Variants in LUZP2 observed in about 807,000 individuals in gnomAD.
LUZP2 encodes the protein leucine zipper protein 2.
LUZP2 carries 52 observed loss-of-function variants against 51.6 expected under a neutral mutation model. That is an observed-to-expected ratio of 1.01 (90% CI 0.81 to 1.27). The LOEUF is 1.27. Ranked by LOEUF, LUZP2 falls within the 50% of genes most tolerant of loss-of-function variation. The pLI is 0.00. For missense variants in LUZP2, 436 were observed against 395.4 expected (o/e 1.10, Z -0.87); for synonymous variants, 154 against 137.3 (o/e 1.12, Z -0.85).
In LUZP2 at chr11:24,905,884, G is replaced by A. The variant is rs1590713482; in HGVS notation, c.397-107G>A. 29 of 667,472 alleles carry A rather than the reference G, an allele frequency of 4.3e-5. 1 individual carries two copies. The East Asian group carries it at 7.5e-4, about 17-fold the overall frequency. The allele number at this position is 667,472 out of a possible 1,614,324, so 41.3% of individuals were successfully genotyped here. A position where few individuals can be genotyped will look rare whatever the true frequency, so the allele number is the denominator to read the frequency against. Reference sequence around the variant, plus strand: ...ACCAATCCATTACATTTTACATCATGAAGGTCTAATTTTTGAACAGAACAT... The same window carrying A: ...ACCAATCCATTACATTTTACATCATAAAGGTCTAATTTTTGAACAGAACAT... On this transcript the variant is annotated intron_variant, in intron 5 of 11. Transcript: ENST00000336930.
intron 1 of LUZP2, among the ~76,000 whole-genome samples, chr11:24,727,274 C>T (rs554220746): frequency 5.1e-4 from 77 of 152,072 alleles, no homozygotes; most frequent in Admixed American, 2.4e-3. Flanking sequence ...AAACTCATAG[C>T]CAAATCAGTA....
At position 24,830,284 on chromosome 11, in the gene LUZP2, T is replaced by A. The variant is rs537615673; in HGVS notation, c.396+66976T>A. Among the ~76,000 whole-genome samples the A allele has an allele frequency of 3.9e-5, 6 of 152,380 alleles. No homozygotes were observed. The East Asian group carries it at 1.2e-3, about 29-fold the overall frequency. On this transcript the variant is annotated intron_variant, in intron 5 of 11. Coordinates refer to ENST00000336930, the MANE Select transcript of LUZP2 (RefSeq NM_001009909.4). ...CATGTCAGTTGCCACTTCTTTCTCATAAATTTCTTGGTAGCCAAATTTCTT... is the reference window on the plus strand; with the variant it reads ...CATGTCAGTTGCCACTTCTTTCTCAAAAATTTCTTGGTAGCCAAATTTCTT...
At chr11:24,803,025 T>C (rs1590556815) in intron 5 of LUZP2, among the ~76,000 whole-genome samples, 1 of 152,054 alleles carries the variant, frequency 6.6e-6, no homozygotes, top group African/African-American at 2.4e-5. Flanking sequence ...GTATTTGTTA[T>C]AGCATCAAAA....
intron 5 of LUZP2, among the ~76,000 whole-genome samples, chr11:24,793,922 CA>C (rs1227347792): frequency 2.1e-5 from 3 of 145,780 alleles, no homozygotes; most frequent in Non-Finnish European, 4.6e-5. Context: ...TCTGACTAAC[CA>C]ATTATTATAT....
chr11:25,013,385 A>G (rs1482774624), intron 9 of LUZP2, among the ~76,000 whole-genome samples: 2 of 152,188 alleles, frequency 1.3e-5, no homozygotes, highest in Non-Finnish European at 2.9e-5. Flanking sequence ...CCAAATCACT[A>G]TATATTATTT....
At chr11:24,554,679 G>A (rs1236424109) in intron 1 of LUZP2, among the ~76,000 whole-genome samples, 2 of 146,308 alleles carry the variant, frequency 1.4e-5, no homozygotes, top group African/African-American at 5.0e-5. Context: ...TATAAGGCAG[G>A]AGACTTATCC....
chr11:24,998,059 C>T (rs1856561101), intron 9 of LUZP2, among the ~76,000 whole-genome samples: 2 of 152,122 alleles, frequency 1.3e-5, no homozygotes, highest in Admixed American at 1.3e-4. Flanking sequence ...AGCGTGATGC[C>T]TCCAGCTTTG....
At chr11:24,971,004 A>G (rs1590789516) in intron 7 of LUZP2, among the ~76,000 whole-genome samples, 1 of 152,304 alleles carries the variant, frequency 6.6e-6, no homozygotes, top group African/African-American at 2.4e-5. Flanking sequence ...AGCAACATGG[A>G]TGAAGATGGA....
chr11:24,701,725 A>AT (rs1188916466), intron 1 of LUZP2: 2 of 152,148 alleles, frequency 1.3e-5, no homozygotes, highest in Non-Finnish European at 2.9e-5. Flanking sequence ...TCTTTAAGTG[A>AT]TTTTTTAAGA....
rs1859407173 is a variant in LUZP2, at chr11:25,079,345, T to C, written c.*687T>C. 6.6e-6 allele frequency: 1 copy of C among 152,312 alleles called. No homozygotes were observed. Among genetic ancestry groups the C allele is most frequent in the East Asian group, 1.9e-4 (1 of 5,186 alleles). 9.4% of individuals were successfully genotyped at this position (152,312 alleles called of 1,614,324 possible). The stretch of plus-strand genomic sequence containing the variant: ...TGGCATTCTATAGACACATCTCCTA[T>C]GTATGTCTACTGTAATTAATCCAAG... On this transcript the variant is annotated 3_prime_UTR_variant, in exon 12 of 12. Coordinates refer to ENST00000336930, the MANE Select transcript of LUZP2 (RefSeq NM_001009909.4).
At chr11:24,833,196 G>T (rs1386252) in intron 5 of LUZP2, among the ~76,000 whole-genome samples, 24,632 of 152,078 alleles carry the variant, frequency 0.16, 2,055 homozygotes, top group South Asian at 0.22. Flanking sequence ...AACAATAAAA[G>T]ACCTACTGTC....
chr11:25,000,020 A>G (rs113202519), intron 9 of LUZP2, among the ~76,000 whole-genome samples: 16 of 152,180 alleles, frequency 1.1e-4, no homozygotes, highest in African/African-American at 3.6e-4. Context: ...TATCCTGCTG[A>G]TTGGTCCATT....
At chr11:24,602,150 GTATATATGTATATATGTGTATA>G (rs1853705702) in intron 1 of LUZP2, among the ~76,000 whole-genome samples, 1 of 124,016 alleles carries the variant, frequency 8.1e-6, no homozygotes, top group African/African-American at 3.2e-5. Context: ...ATGTATATAT[GTATATATGTATATATGTGTATA>G]TATATGTGTA....
chr11:24,860,403 G>A (rs1251751985), intron 5 of LUZP2, among the ~76,000 whole-genome samples: 1 of 152,062 alleles, frequency 6.6e-6, no homozygotes, highest in African/African-American at 2.4e-5. Context: ...CAGATGAGTG[G>A]GTTTTCCCCC....
At chr11:24,831,161 T>C (rs1326801412) in intron 5 of LUZP2, among the ~76,000 whole-genome samples, 1 of 152,218 alleles carries the variant, frequency 6.6e-6, no homozygotes, top group East Asian at 1.9e-4. Context: ...TCGTATTACG[T>C]TGACCTTGTT....
At chr11:25,073,478 C>T (rs184146892) in intron 10 of LUZP2, among the ~76,000 whole-genome samples, 3 of 152,204 alleles carry the variant, frequency 2.0e-5, no homozygotes, top group African/African-American at 7.2e-5. Flanking sequence ...ATTATCAAGA[C>T]ATTCCCTGGG....
intron 10 of LUZP2, among the ~76,000 whole-genome samples, chr11:25,057,718 T>C (rs1858728572): frequency 6.6e-6 from 1 of 152,056 alleles, no homozygotes; most frequent in Non-Finnish European, 1.5e-5. Context: ...GCTGAGGAAA[T>C]GAAAAACAAG....
chr11:24,861,349 G>A (rs1374994253), intron 5 of LUZP2, among the ~76,000 whole-genome samples: 1 of 152,122 alleles, frequency 6.6e-6, no homozygotes, highest in African/African-American at 2.4e-5. Context: ...GAAAAATATG[G>A]GGAGAATGTA....
intron 1 of LUZP2, among the ~76,000 whole-genome samples, chr11:24,658,437 A>C (rs913488268): frequency 8.5e-5 from 13 of 152,218 alleles, no homozygotes; most frequent in African/African-American, 3.1e-4. Flanking sequence ...AGATGGATTA[A>C]AGACTTAAAT....
Sources: allele counts gnomAD v4.1 joint callset (sites outside exome capture counted in the v4.1 genomes callset), GRCh38; gene constraint gnomAD v4.1.1; transcripts MANE v1.5; gene names NCBI Gene and HGNC (gene_info 2026-07-23, HGNC 2026-07-21).